Variants in GFRAL observed in about 807,000 individuals in gnomAD.
The protein encoded by GFRAL is GDNF family receptor alpha-like.
Under a neutral mutation model 45.4 loss-of-function variants are expected in GFRAL, and 36 were observed. The observed-to-expected ratio is 0.79, with a 90% CI of 0.61 to 1.05. The LOEUF (loss-of-function observed/expected upper bound fraction) is 1.05, where lower values mean the gene tolerates loss of function less well. GFRAL is among the 50% of genes least tolerant of loss of function. The pLI, the probability that GFRAL is intolerant of heterozygous loss-of-function variation, is 0.00. For missense variants in GFRAL, 507 were observed against 467.5 expected (o/e 1.08, Z -0.78); for synonymous variants, 166 against 154.1 (o/e 1.08, Z -0.57).
intron 6 of GFRAL, among the ~76,000 whole-genome samples, chr6:55,392,895 CATA>C (rs753165482): frequency 6.6e-5 from 10 of 151,856 alleles, no homozygotes; most frequent in Non-Finnish European, 1.2e-4. Context: ...AATAGAATAA[CATA>C]ATATAAAATA....
rs146472870 is a variant in GFRAL, at chr6:55,341,915, G to A, written c.316+7971G>A. Among the ~76,000 whole-genome samples the A allele has an allele frequency of 5.9e-3, 892 of 152,270 alleles. 8 individuals carry two copies. The highest frequency in any genetic ancestry group is 0.02 in the African/African-American group (848 of 41,550). ...AGCCGATTCGATCAACTGGAAGAAAGAGTATCAGTGATTGAAGATTAAACA... is the reference window on the plus strand; with the variant it reads ...AGCCGATTCGATCAACTGGAAGAAAAAGTATCAGTGATTGAAGATTAAACA... On this transcript the variant is annotated intron_variant, in intron 3 of 8. Transcript: ENST00000340465.
chr6:55,331,898 T>TA, intron 2 of GFRAL, 49 bp downstream of exon 2: 1 of 1,530,948 alleles, frequency 6.5e-7, no homozygotes, highest in Non-Finnish European at 8.9e-7. Context: ...TTTACTAAGA[T>TA]AAAAACAGGA....
intron 6 of GFRAL, among the ~76,000 whole-genome samples, chr6:55,373,709 C>T (rs915664476): frequency 1.3e-5 from 2 of 151,666 alleles, no homozygotes; most frequent in South Asian, 4.2e-4. Context: ...AAATACTAGG[C>T]CTTTTATGAC....
At chr6:55,362,741 G>T (rs1259115778) in intron 6 of GFRAL, among the ~76,000 whole-genome samples, 1 of 151,862 alleles carries the variant, frequency 6.6e-6, no homozygotes, top group African/African-American at 2.4e-5. Context: ...ATTTCCCAGA[G>T]CTTTTTTTTA....
chr6:55,346,900 C>A (rs1397776410), intron 3 of GFRAL, among the ~76,000 whole-genome samples: 1 of 128,848 alleles, frequency 7.8e-6, no homozygotes, highest in Non-Finnish European at 1.6e-5. Context: ...AGAAATTGAA[C>A]ATTAACATTA....
intron 6 of GFRAL, among the ~76,000 whole-genome samples, chr6:55,366,127 TG>T (rs1326289591): frequency 1.3e-5 from 2 of 151,996 alleles, no homozygotes; most frequent in African/African-American, 4.8e-5. Context: ...CTCCTGTTAT[TG>T]GTCTATTCAG....
chr6:55,389,999 T>A (rs974814688), intron 6 of GFRAL, among the ~76,000 whole-genome samples: 1 of 152,240 alleles, frequency 6.6e-6, no homozygotes, highest in Admixed American at 6.5e-5. Context: ...GCATAATAAA[T>A]AAGGAGTGAC....
At chr6:55,366,110 A>G (rs1408657593) in intron 6 of GFRAL, among the ~76,000 whole-genome samples, 2 of 151,886 alleles carry the variant, frequency 1.3e-5, no homozygotes, top group Non-Finnish European at 2.9e-5. Context: ...TATTGCCACA[A>G]TTTCAGCTCC....
intron 3 of GFRAL, among the ~76,000 whole-genome samples, chr6:55,334,863 T>G (rs960564513): frequency 6.6e-6 from 1 of 152,224 alleles, no homozygotes; most frequent in African/African-American, 2.4e-5. Context: ...TTCTCATGTG[T>G]AAGTTTATTT....
rs1164662593 is a variant in GFRAL, at chr6:55,331,785, C to T, written c.93C>T (p.Cys31=). The T allele has an allele frequency of 1.2e-6, 2 of 1,610,572 alleles. No individual in the cohort carries two copies. The highest frequency in any genetic ancestry group is 1.7e-5 in the Admixed American group (1 of 59,786). The part of the protein sequence containing the change: ...TNNCTYLREQ[C]LRDANGCKHA... ...ATTGCACATATTTAAGAGAGCAATGCTTACGTGATGCAAATGGATGTAAAC... is the reference window on the plus strand; with the variant it reads ...ATTGCACATATTTAAGAGAGCAATGTTTACGTGATGCAAATGGATGTAAAC... Residue 31 remains cysteine (C), a synonymous_variant, in exon 2 of 9, where the codon TGC becomes TGT. Coordinates refer to ENST00000340465, the MANE Select transcript of GFRAL (RefSeq NM_207410.2).
At chr6:55,335,565 G>A (rs1203391712) in intron 3 of GFRAL, among the ~76,000 whole-genome samples, 1 of 152,018 alleles carries the variant, frequency 6.6e-6, no homozygotes, top group Admixed American at 6.6e-5. Flanking sequence ...AAATGATGTA[G>A]CTTTAGGTTA....
At chr6:55,340,558 A>C (rs138854898) in intron 3 of GFRAL, among the ~76,000 whole-genome samples, 1,987 of 152,264 alleles carry the variant, frequency 0.013, 23 homozygotes, top group Non-Finnish European at 0.022. Context: ...CCAAGATGGC[A>C]GAATAGGAAC....
chr6:55,396,560 TA>T (rs35330228), intron 6 of GFRAL, among the ~76,000 whole-genome samples: 6,070 of 152,002 alleles, frequency 0.04, 162 homozygotes, highest in African/African-American at 0.063. Flanking sequence ...AGCTTTTTTT[TA>T]AAAAAGGCCA....
At chr6:55,376,696 C>T (rs910660544) in intron 6 of GFRAL, among the ~76,000 whole-genome samples, 1 of 151,668 alleles carries the variant, frequency 6.6e-6, no homozygotes, top group African/African-American at 2.4e-5. Flanking sequence ...TGATATTCCC[C>T]CTTATTATTT....
intron 3 of GFRAL, among the ~76,000 whole-genome samples, chr6:55,342,946 G>C (rs1467455180): frequency 6.6e-6 from 1 of 152,136 alleles, no homozygotes; most frequent in Non-Finnish European, 1.5e-5. Context: ...TTACATAATG[G>C]TAAAGGGATC....
chr6:55,346,408 G>A (rs1246406267), intron 3 of GFRAL, among the ~76,000 whole-genome samples: 2 of 152,058 alleles, frequency 1.3e-5, no homozygotes, highest in Non-Finnish European at 2.9e-5. Context: ...GGATGAAGCT[G>A]GAAACCATCA....
At chr6:55,350,250 T>C in intron 4 of GFRAL, 105 bp downstream of exon 4, 1 of 687,018 alleles carries the variant, frequency 1.5e-6, no homozygotes, top group East Asian at 2.6e-5. Flanking sequence ...ACAAATCATG[T>C]GGTTTAACAG....
intron 6 of GFRAL, among the ~76,000 whole-genome samples, chr6:55,368,595 G>C (rs1768400370): frequency 6.6e-6 from 1 of 152,014 alleles, no homozygotes; most frequent in Admixed American, 6.5e-5. Flanking sequence ...GGTCTTTGAT[G>C]ATGGTGATGT....
At chr6:55,363,434 CTTT>C (rs36074077) in intron 6 of GFRAL, among the ~76,000 whole-genome samples, 90 of 147,204 alleles carry the variant, frequency 6.1e-4, no homozygotes, top group Middle Eastern at 3.4e-3. Flanking sequence ...TAGCTTAATT[CTTT>C]TTTTTTTTTT....
Sources: gnomAD v4.1 joint callset for allele counts (sites outside exome capture counted in the v4.1 genomes callset) on GRCh38, gnomAD v4.1.1 for gene constraint, MANE v1.5 for transcripts, NCBI Gene and HGNC (gene_info 2026-07-23, HGNC 2026-07-21) for gene names.